Variants in RBFOX1 observed in about 807,000 individuals in gnomAD.
RBFOX1 encodes RNA binding fox-1 homolog 1, also known as RNA binding protein fox-1 homolog 1.
Under a neutral mutation model 57.7 loss-of-function variants are expected in RBFOX1, and 8 were observed. That is an observed-to-expected ratio of 0.14 (90% confidence interval 0.08 to 0.25). RBFOX1 has a LOEUF of 0.25. Among genes scored for constraint, RBFOX1 ranks in the 10% least tolerant of loss-of-function variants. RBFOX1 has a pLI of 1.00. For synonymous variants in RBFOX1, 326 were observed against 222.4 expected, an observed-to-expected ratio of 1.47 and a Z score of -4.15; for missense variants, 611 against 548.5, an observed-to-expected ratio of 1.11 and a Z score of -1.14.
intron 3 of RBFOX1, among the ~76,000 whole-genome samples, chr16:6,782,170 C>G (rs1444857905): frequency 6.6e-6 from 1 of 152,120 alleles, no homozygotes; most frequent in African/African-American, 2.4e-5. Context: ...CCACACCCAG[C>G]TAATTGTTGT....
At chr16:7,256,556 G>A (rs1475404178) in intron 4 of RBFOX1, among the ~76,000 whole-genome samples, 1 of 151,948 alleles carries the variant, frequency 6.6e-6, no homozygotes, top group Admixed American at 6.6e-5. Flanking sequence ...TACACTGTAT[G>A]TCTGTTTATA....
intron 4 of RBFOX1, among the ~76,000 whole-genome samples, chr16:7,478,906 C>G (rs539377282): frequency 6.6e-6 from 1 of 151,988 alleles, no homozygotes; most frequent in Non-Finnish European, 1.5e-5. Context: ...TTTGTTAATT[C>G]GATGAGTAAA....
At chr16:7,222,734 T>C (rs1014744056) in intron 4 of RBFOX1, among the ~76,000 whole-genome samples, 2 of 152,212 alleles carry the variant, frequency 1.3e-5, no homozygotes, top group Non-Finnish European at 1.5e-5. Context: ...CTGACACACA[T>C]ATGTATTCTA....
intron 1 of RBFOX1, among the ~76,000 whole-genome samples, chr16:6,176,841 C>G (rs145090202): frequency 6.6e-6 from 1 of 152,214 alleles, no homozygotes; most frequent in East Asian, 1.9e-4. Flanking sequence ...GTGCTTGCTT[C>G]TAGCCTAAGT....
intron 3 of RBFOX1, among the ~76,000 whole-genome samples, chr16:6,814,719 G>A (rs2089649529): frequency 1.3e-5 from 2 of 152,128 alleles, no homozygotes; most frequent in African/African-American, 4.8e-5. Flanking sequence ...CTGAGGAAGT[G>A]AAGTGAAAAG....
intron 4 of RBFOX1, among the ~76,000 whole-genome samples, chr16:7,361,702 A>T (rs2097324801): frequency 6.6e-6 from 1 of 152,214 alleles, no homozygotes; most frequent in African/African-American, 2.4e-5. Flanking sequence ...TAGTATGAGA[A>T]TTCGAAGATG....
rs1478318593 is a variant in RBFOX1, at chr16:7,709,657, G to C, written c.1071+526G>C. On this transcript the variant is annotated intron_variant, in intron 15 of 15. Transcript: ENST00000550418. ...AAGAAAATAGAGAGGGGCACACTTTGTGTGTGTACCTAGTACATAAGAAAG... is the reference window on the plus strand; with the variant it reads ...AAGAAAATAGAGAGGGGCACACTTTCTGTGTGTACCTAGTACATAAGAAAG... The C allele has an allele frequency of 2.0e-6, 3 of 1,521,754 alleles. No homozygotes were observed. The African/African-American group carries it at 4.2e-5, about 21-fold the overall frequency. 94.3% of individuals were successfully genotyped at this position (1,521,754 alleles called of 1,614,324 possible). A position where few individuals can be genotyped will look rare whatever the true frequency, so the allele number is the denominator to read the frequency against.
chr16:7,450,383 ACT>A (rs2150180669), intron 4 of RBFOX1, among the ~76,000 whole-genome samples: 1 of 92,306 alleles, frequency 1.1e-5, no homozygotes, highest in Admixed American at 1.9e-4. Context: ...ACAGAGCAAG[ACT>A]CTGTCTCAAA....
chr16:6,986,891 A>T (rs1184782055), intron 3 of RBFOX1, among the ~76,000 whole-genome samples: 1 of 152,128 alleles, frequency 6.6e-6, no homozygotes, highest in African/African-American at 2.4e-5. Context: ...CTCAAGTTGC[A>T]GAGGGACCTG....
intron 2 of RBFOX1, among the ~76,000 whole-genome samples, chr16:6,606,605 G>C (rs12930616): frequency 0.25 from 38,493 of 152,010 alleles, 5,135 homozygotes; most frequent in Non-Finnish European, 0.29. Context: ...CTGGAAGTGA[G>C]AACATGTGGT....
chr16:6,355,926 G>A (rs60003947), intron 2 of RBFOX1, among the ~76,000 whole-genome samples: 135 of 152,272 alleles, frequency 8.9e-4, no homozygotes, highest in Middle Eastern at 3.4e-3. Flanking sequence ...AACAAAATGG[G>A]TGTAGGTCAA....
At chr16:6,099,504 T>C (rs2096280395) in intron 1 of RBFOX1, among the ~76,000 whole-genome samples, 1 of 152,206 alleles carries the variant, frequency 6.6e-6, no homozygotes, top group South Asian at 2.1e-4. Context: ...AGAATGCTGA[T>C]TGCTGATTGC....
intron 4 of RBFOX1, among the ~76,000 whole-genome samples, chr16:7,190,827 C>T (rs78946847): frequency 6.6e-6 from 1 of 152,144 alleles, no homozygotes; most frequent in African/African-American, 2.4e-5. Context: ...TTACGTTGAG[C>T]TTATCTGCAT....
rs576036036 is a variant in RBFOX1 at position 5,630,582 on chromosome 16, C to T, written c.318+31621C>T. 9.2e-5 allele frequency among the ~76,000 whole-genome samples: 14 copies of T among 152,248 alleles called. No individual in the cohort carries two copies. In the South Asian group the frequency reaches 2.3e-3, roughly 25 times the overall value. On this transcript the variant is annotated intron_variant, in intron 3 of 19. Transcript: ENST00000641259. Reference sequence around the variant, plus strand: ...CACGTCAGGACCTTCAGAGCACTGGCGGGTGGCTTTCATGATACTCTTGAT... The same window carrying T: ...CACGTCAGGACCTTCAGAGCACTGGTGGGTGGCTTTCATGATACTCTTGAT...
chr16:6,052,473 A>C (rs2095562442), intron 1 of RBFOX1, among the ~76,000 whole-genome samples: 1 of 152,006 alleles, frequency 6.6e-6, no homozygotes, highest in Non-Finnish European at 1.5e-5. Flanking sequence ...CTAATCTGTA[A>C]AGTGGGGAAC....
At chr16:7,270,208 A>T (rs2095284326) in intron 4 of RBFOX1, among the ~76,000 whole-genome samples, 1 of 152,218 alleles carries the variant, frequency 6.6e-6, no homozygotes, top group Non-Finnish European at 1.5e-5. Context: ...CCCAGGCAGG[A>T]GCAGGAACCT....
intron 1 of RBFOX1, among the ~76,000 whole-genome samples, chr16:5,386,533 CT>C (rs1468167458): frequency 1.3e-5 from 2 of 152,192 alleles, no homozygotes; most frequent in Admixed American, 1.3e-4. Flanking sequence ...CCTCCCTACT[CT>C]TTGCATTCAG....
intron 3 of RBFOX1, among the ~76,000 whole-genome samples, chr16:6,849,389 C>T (rs2093944524): frequency 6.6e-6 from 1 of 152,162 alleles, no homozygotes. Context: ...AAAGGCCTGG[C>T]TGGGTGTGGT....
At chr16:6,978,751 C>G (rs1220025435) in intron 3 of RBFOX1, among the ~76,000 whole-genome samples, 3 of 152,186 alleles carry the variant, frequency 2.0e-5, no homozygotes, top group South Asian at 2.1e-4. Context: ...GATTCGAACC[C>G]CAGATTTGAA....
Sources: gnomAD v4.1 joint callset for allele counts (sites outside exome capture counted in the v4.1 genomes callset) on GRCh38, gnomAD v4.1.1 for gene constraint, MANE v1.5 for transcripts, NCBI Gene and HGNC (gene_info 2026-07-23, HGNC 2026-07-21) for gene names.